Variants in CRIPTO observed in about 807,000 individuals in gnomAD.
The protein encoded by CRIPTO is protein Cripto.
chr3:46,580,188 A>G, the CRIPTO span: 1 of 1,285,676 alleles, frequency 7.8e-7, no homozygotes, highest in Non-Finnish European at 1.1e-6. Flanking sequence ...TTCTGCTTAT[A>G]AAAGCATCGC....
the CRIPTO span, chr3:46,581,986 C>T: frequency 6.6e-6 from 1 of 152,414 alleles, no homozygotes; most frequent in South Asian, 2.1e-4. Context: ...AAGAAAACAT[C>T]TTTAAGGGGA....
the CRIPTO span, chr3:46,580,104 T>G: frequency 6.2e-7 from 1 of 1,613,916 alleles, no homozygotes; most frequent in East Asian, 2.2e-5. Context: ...TGAAGTTACG[T>G]AGTTGCCTTG....
At chr3:46,578,898 A>C in the CRIPTO span, among the ~76,000 whole-genome samples, 1 of 152,162 alleles carries the variant, frequency 6.6e-6, no homozygotes. Flanking sequence ...TATATTAAAA[A>C]GACTTGGATA....
At chr3:46,575,669 G>C in the CRIPTO span, among the ~76,000 whole-genome samples, 1 of 152,140 alleles carries the variant, frequency 6.6e-6, no homozygotes, top group Non-Finnish European at 1.5e-5. Flanking sequence ...AATTCCACAA[G>C]AGCTTTAGAT....
At chr3:46,579,625 G>T in the CRIPTO span, 2 of 1,296,202 alleles carry the variant, frequency 1.5e-6, no homozygotes. Context: ...CTGCTCAAAG[G>T]CACAGAGACT....
chr3:46,580,351 T>C, the CRIPTO span, among the ~76,000 whole-genome samples: 13 of 152,188 alleles, frequency 8.5e-5, no homozygotes, highest in Admixed American at 3.9e-4. Flanking sequence ...CAAGTCTCGG[T>C]CTCTTGTTAA....
At chr3:46,576,683 G>A in the CRIPTO span, among the ~76,000 whole-genome samples, 2 of 152,060 alleles carry the variant, frequency 1.3e-5, no homozygotes, top group African/African-American at 4.8e-5. Context: ...TCGCATTTGT[G>A]TGCCTGGCAA....
the CRIPTO span, chr3:46,580,097 A>G: frequency 1.2e-6 from 2 of 1,614,012 alleles, no homozygotes; most frequent in Non-Finnish European, 1.7e-6. Context: ...TGCCCTTTGA[A>G]GTTACGTAGT....
chr3:46,581,493 G>A, the CRIPTO span: 22 of 603,762 alleles, frequency 3.6e-5, no homozygotes, highest in Admixed American at 1.8e-4. Context: ...TCTCCATTGT[G>A]CCTAAGTCCA....
At chr3:46,581,779 G>C in the CRIPTO span, 1 of 295,518 alleles carries the variant, frequency 3.4e-6, no homozygotes, top group Non-Finnish European at 6.2e-6. Context: ...TCGAAGTGCT[G>C]AGATTACACA....
chr3:46,575,949 C>T, the CRIPTO span, among the ~76,000 whole-genome samples: 3 of 152,188 alleles, frequency 2.0e-5, no homozygotes, highest in African/African-American at 7.2e-5. Flanking sequence ...GGAGCCCTCC[C>T]CCACCTCCGG....
the CRIPTO span, chr3:46,581,391 T>C: frequency 5.3e-6 from 4 of 758,548 alleles, no homozygotes; most frequent in Admixed American, 1.9e-5. Context: ...TCCAAAATGG[T>C]CTCTAACATT....
chr3:46,580,153 T>G, the CRIPTO span: 1 of 1,544,140 alleles, frequency 6.5e-7, no homozygotes, highest in Non-Finnish European at 8.9e-7. Flanking sequence ...GTACCTCTTG[T>G]CTTGCTAGAG....
At chr3:46,581,409 A>G in the CRIPTO span, 1 of 703,568 alleles carries the variant, frequency 1.4e-6, no homozygotes. Context: ...ATTTCCTTAC[A>G]GAACTACTTC....
chr3:46,578,066 A>G, the CRIPTO span: 1 of 1,535,678 alleles, frequency 6.5e-7, no homozygotes, highest in Non-Finnish European at 9.0e-7. Context: ...CTTAGGAAGT[A>G]ATGTTCTACA....
the CRIPTO span, chr3:46,579,182 T>G: frequency 6.2e-7 from 1 of 1,614,204 alleles, no homozygotes; most frequent in African/African-American, 1.3e-5. Flanking sequence ...TCACTCTCAA[T>G]TTTTATGTGG....
the CRIPTO span, chr3:46,581,524 T>C: frequency 3.3e-6 from 2 of 602,444 alleles, no homozygotes; most frequent in Non-Finnish European, 5.9e-6. Flanking sequence ...TTTTTTTTTT[T>C]TTTGAGACGG....
At chr3:46,579,634 C>G in the CRIPTO span, 6 of 1,318,826 alleles carry the variant, frequency 4.5e-6, no homozygotes, top group Non-Finnish European at 6.6e-6. Context: ...GGCACAGAGA[C>G]TTACTCTGAT....
At chr3:46,575,201 GT>G in the CRIPTO span, among the ~76,000 whole-genome samples, 2 of 152,220 alleles carry the variant, frequency 1.3e-5, no homozygotes, top group African/African-American at 4.8e-5. Flanking sequence ...TTTGCAGTTA[GT>G]ACAATTAGAA....
Sources: gnomAD v4.1 joint callset for allele counts (sites outside exome capture counted in the v4.1 genomes callset) on GRCh38, gnomAD v4.1.1 for gene constraint, MANE v1.5 for transcripts, NCBI Gene and HGNC (gene_info 2026-07-23, HGNC 2026-07-21) for gene names.